The following ACOXL variants were observed in gnomAD, a reference collection of about 807,000 sequenced individuals.
The protein encoded by ACOXL is acyl-coenzyme A oxidase-like protein.
A neutral mutation model predicts 71.9 loss-of-function variants in ACOXL; 70 were observed. That is an observed-to-expected ratio of 0.97 (90% CI 0.80 to 1.19). The LOEUF (loss-of-function observed/expected upper bound fraction) is 1.19, where lower values mean the gene tolerates loss of function less well. Among genes scored for constraint, ACOXL ranks in the 50% most tolerant of loss-of-function variants. The pLI is 0.00. For missense variants in ACOXL, 703 were observed against 736.3 expected, an observed-to-expected ratio of 0.95 and a Z score of 0.52; for synonymous variants, 253 against 281.6, an observed-to-expected ratio of 0.90 and a Z score of 1.02.
intron 14 of ACOXL, among the ~76,000 whole-genome samples, chr2:111,003,446 G>A (rs2063725133): frequency 6.6e-6 from 1 of 150,762 alleles, no homozygotes; most frequent in Non-Finnish European, 1.5e-5. Flanking sequence ...AGCTACTCGG[G>A]AGGCTTAGGC....
At chr2:110,875,541 G>A (rs1695798156) in intron 10 of ACOXL, among the ~76,000 whole-genome samples, 2 of 152,230 alleles carry the variant, frequency 1.3e-5, no homozygotes, top group Admixed American at 1.3e-4. Flanking sequence ...GGGGCTGTGA[G>A]TGTGTGGTCC....
chr2:111,005,237 G>A (rs186946035), intron 14 of ACOXL, among the ~76,000 whole-genome samples: 44 of 152,280 alleles, frequency 2.9e-4, no homozygotes, highest in African/African-American at 1.0e-3. Flanking sequence ...TCTGATACAG[G>A]TTGCCCTCCA....
rs553549199 is a variant in ACOXL, at chr2:110,929,350, T to G, written c.906-4139T>G. 3.9e-5 allele frequency among the ~76,000 whole-genome samples: 6 copies of G among 152,294 alleles called. No individual in the cohort carries two copies. In the South Asian group the frequency reaches 1.2e-3, roughly 32 times the overall value. On this transcript the variant is annotated intron_variant, in intron 11 of 17. Transcript: ENST00000439055. The stretch of plus-strand genomic sequence containing the variant: ...ATTTTGCCCCGGCCCTAGAGATGTG[T>G]GGAACTTTGAACTTGAGGGAGATGA...
At position 110,933,733 on chromosome 2, in the gene ACOXL, A is replaced by G; in HGVS notation, c.1059+91A>G. 3 of 1,434,926 alleles carry G rather than the reference A, an allele frequency of 2.1e-6. No individual in the cohort carries two copies. In the South Asian group the frequency reaches 4.3e-5, roughly 21 times the overall value. The allele number at this position is 1,434,926 out of a possible 1,614,324, so 88.9% of individuals were successfully genotyped here. ...GGGGCGGGCAGATAACATGCTTCAG[A>G]GTCTAATAGAAATCCCAACTGCCCA... On this transcript the variant is annotated intron_variant, in intron 12 of 17. Transcript: ENST00000439055.
At chr2:110,943,931 T>G (rs1558766855) in intron 12 of ACOXL, among the ~76,000 whole-genome samples, 1 of 152,304 alleles carries the variant, frequency 6.6e-6, no homozygotes, top group East Asian at 1.9e-4. Flanking sequence ...ATTCTCAAAT[T>G]GAGTGAATAC....
rs1022564835 is a variant in ACOXL, at chr2:110,758,757, G to T, written c.-22-9611G>T. 5.3e-5 allele frequency among the ~76,000 whole-genome samples: 8 copies of T among 152,126 alleles called. No homozygotes were observed. The East Asian group carries it at 1.5e-3, about 29-fold the overall frequency. ...TGCTCTTGGTTCTCTTGTTCTTTTA[G>T]TTGAGATGTTAGGTTGTTAACTTGA... On this transcript the variant is annotated intron_variant, in intron 1 of 17. Coordinates refer to ENST00000439055, the MANE Select transcript of ACOXL (RefSeq NM_001142807.4).
At chr2:110,746,908 C>T (rs1678301214) in intron 1 of ACOXL, among the ~76,000 whole-genome samples, 1 of 150,408 alleles carries the variant, frequency 6.6e-6, no homozygotes, top group African/African-American at 2.4e-5. Flanking sequence ...TTTATCTGTT[C>T]TTATCAGCCT....
intron 16 of ACOXL, among the ~76,000 whole-genome samples, chr2:111,071,921 G>A (rs1406369049): frequency 1.3e-5 from 2 of 152,220 alleles, no homozygotes; most frequent in Non-Finnish European, 2.9e-5. Context: ...CTGCCTTTGT[G>A]ATCGTGTTGT....
chr2:111,014,316 C>T (rs56105404), intron 14 of ACOXL, among the ~76,000 whole-genome samples: 10,437 of 152,184 alleles, frequency 0.069, 452 homozygotes, highest in East Asian at 0.22. Flanking sequence ...ATATCTAAAA[C>T]GAATTTTGTT....
chr2:110,815,598 C>G (rs1687821941), intron 9 of ACOXL, among the ~76,000 whole-genome samples: 9 of 152,164 alleles, frequency 5.9e-5, no homozygotes, highest in Admixed American at 5.9e-4. Flanking sequence ...TCCCCTGCTT[C>G]TGTGAAGATA....
chr2:111,025,421 G>A (rs1026332596), intron 14 of ACOXL, among the ~76,000 whole-genome samples: 15 of 152,102 alleles, frequency 9.9e-5, no homozygotes, highest in Admixed American at 9.2e-4. Flanking sequence ...TTTCTAAAGT[G>A]GCTGTAACAT....
intron 10 of ACOXL, among the ~76,000 whole-genome samples, chr2:110,850,111 C>A (rs980021592): frequency 2.6e-5 from 4 of 152,090 alleles, no homozygotes; most frequent in Admixed American, 6.5e-5. Flanking sequence ...GTACAAGCAA[C>A]AAAGATGGAT....
At chr2:111,084,858 T>C (rs1200665039) in intron 16 of ACOXL, among the ~76,000 whole-genome samples, 1 of 127,610 alleles carries the variant, frequency 7.8e-6, no homozygotes, top group Non-Finnish European at 1.6e-5. Flanking sequence ...AGGCTCAAAA[T>C]GAAGGGATGG....
At chr2:110,984,892 C>T (rs903838492) in intron 12 of ACOXL, among the ~76,000 whole-genome samples, 2 of 152,200 alleles carry the variant, frequency 1.3e-5, no homozygotes, top group Middle Eastern at 3.2e-3. Context: ...CACACTCCGA[C>T]CCCTGGCACT....
At chr2:110,859,513 C>G (rs985930368) in intron 10 of ACOXL, among the ~76,000 whole-genome samples, 2 of 152,146 alleles carry the variant, frequency 1.3e-5, no homozygotes, top group Admixed American at 6.5e-5. Context: ...CAAGCTCTGG[C>G]AAGAGCACAC....
chr2:110,947,073 C>G (rs564714611), intron 12 of ACOXL, among the ~76,000 whole-genome samples: 40 of 152,164 alleles, frequency 2.6e-4, no homozygotes, highest in Admixed American at 5.9e-4. Flanking sequence ...AAACTGACCT[C>G]CTTTGAACGT....
chr2:110,839,091 C>A (rs1490061763), intron 9 of ACOXL, among the ~76,000 whole-genome samples: 1 of 152,122 alleles, frequency 6.6e-6, no homozygotes, highest in Non-Finnish European at 1.5e-5. Context: ...ATCTCCCAGC[C>A]CCCTTTAACC....
intron 17 of ACOXL, among the ~76,000 whole-genome samples, chr2:111,108,582 T>C (rs1322939121): frequency 6.6e-6 from 1 of 152,130 alleles, no homozygotes; most frequent in Non-Finnish European, 1.5e-5. Context: ...TTTCTCCATA[T>C]TGGTCAGGCT....
intron 2 of ACOXL, among the ~76,000 whole-genome samples, chr2:110,779,106 C>T (rs139677965): frequency 5.9e-5 from 9 of 152,302 alleles, no homozygotes; most frequent in Non-Finnish European, 1.3e-4. Flanking sequence ...CAGGGTCCTG[C>T]AATAATGTCG....
Sources: allele counts gnomAD v4.1 joint callset (sites outside exome capture counted in the v4.1 genomes callset), GRCh38; gene constraint gnomAD v4.1.1; transcripts MANE v1.5; gene names NCBI Gene and HGNC (gene_info 2026-07-23, HGNC 2026-07-21).